Variants in DHRS4L2 observed in about 807,000 individuals in gnomAD.
DHRS4L2 encodes dehydrogenase/reductase SDR family member 4-like 2.
In DHRS4L2, 22 loss-of-function variants were observed where a neutral mutation model predicts 23.9. The observed-to-expected ratio is 0.92, with a 90% CI of 0.66 to 1.31. The LOEUF is 1.31. Ranked by LOEUF, DHRS4L2 falls within the 40% of genes most tolerant of loss-of-function variation. The probability of loss-of-function intolerance (pLI) is 0.00; values close to 1 mark genes in which losing one functional copy is unlikely to be tolerated. For missense variants in DHRS4L2, 385 were observed against 303.3 expected (o/e 1.27, Z -2.00); for synonymous variants, 141 against 123.7 (o/e 1.14, Z -0.93).
exon 1 of DHRS4L2, chr14:23,969,884 G>A (rs1288653953): frequency 2.7e-5 from 11 of 411,832 alleles, no homozygotes; most frequent in Non-Finnish European, 4.9e-5. Flanking sequence ...ATGCTCAGTC[G>A]GGCAGCTCTC....
At position 23,994,568 on chromosome 14, in the gene DHRS4L2, C is replaced by G. The variant is rs1281573810; in HGVS notation, c.307-464C>G. Among the ~76,000 whole-genome samples, 223 of 151,260 alleles carry G rather than the reference C, an allele frequency of 1.5e-3. 2 individuals carry two copies. Among genetic ancestry groups the G allele is most frequent in the African/African-American group, 3.7e-3 (152 of 41,118 alleles). On this transcript the variant is annotated intron_variant, in intron 2 of 7. Coordinates refer to ENST00000335125, the MANE Select transcript of DHRS4L2 (RefSeq NM_198083.4). ...CCGGGTGTGGTGGCACGCACTTCTA[C>G]TCTCAACTACTTGGGGGGCTGAGCC...
chr14:23,983,881 G>C (rs778111829), upstream of DHRS4L2, among the ~76,000 whole-genome samples: 1 of 151,442 alleles, frequency 6.6e-6, no homozygotes, highest in East Asian at 1.9e-4. Context: ...GGGCCTGTTG[G>C]GTTTATAGGG....
At chr14:23,980,564 T>C (rs991144982) in intron 1 of DHRS4L2, among the ~76,000 whole-genome samples, 1 of 147,092 alleles carries the variant, frequency 6.8e-6, no homozygotes, top group African/African-American at 2.5e-5. Flanking sequence ...AATAAAATAC[T>C]GGCAAACTGA....
At chr14:24,000,565 C>T (rs1160151350) in intron 3 of DHRS4L2, among the ~76,000 whole-genome samples, 3 of 151,886 alleles carry the variant, frequency 2.0e-5, no homozygotes, top group African/African-American at 4.8e-5. Context: ...AGAGAAAACA[C>T]AGCTCAAATC....
chr14:23,990,172 C>G lies in DHRS4L2; in HGVS notation c.129-10C>G, dbSNP rs755434788. On this transcript the variant is annotated splice_polypyrimidine_tract_variant and intron_variant, in intron 1 of 7. Coordinates refer to ENST00000335125, the MANE Select transcript of DHRS4L2 (RefSeq NM_198083.4). ...AGGCCTTAGCAGTCTTTGTCTCTTT[C>G]TGCTCACAGGATCGGCTTCGCCATC... The G allele has an allele frequency of 1.9e-6, 3 of 1,612,632 alleles. No homozygotes were observed. Among genetic ancestry groups the G allele is most frequent in the Non-Finnish European group, 2.5e-6 (3 of 1,179,292 alleles).
intron 2 of DHRS4L2, among the ~76,000 whole-genome samples, 170 bp from the exon 3 acceptor site, chr14:23,994,862 T>A (rs543963716): frequency 4.4e-4 from 67 of 151,824 alleles, no homozygotes; most frequent in African/African-American, 1.5e-3. Context: ...TGGCCCAGGC[T>A]TCTCTCAAAT....
rs145266187 is a variant in DHRS4L2, at chr14:23,989,023, C to T, written c.76C>T (p.Arg26Cys). The T allele has an allele frequency of 1.9e-5, 30 of 1,604,830 alleles. No homozygotes were observed. The highest frequency in any genetic ancestry group is 3.3e-4 in the Middle Eastern group (2 of 6,050). ...GCGGATGGCCAGCTCCAGGATGACC[C>T]GCCGGGACCCGCTCACAAATAAGGT... ...SVRMASSRMTRRDPLTNKVAL... is the reference protein window; with the variant it reads ...SVRMASSRMTCRDPLTNKVAL... The change falls in exon 1 of 8, where the codon CGC becomes TGC. Residue 26 changes from arginine (R) to cysteine (C), a missense_variant. By Grantham distance (180) the Arg-to-Cys change is radical. Transcript: ENST00000335125.
At chr14:23,978,001 A>G (rs1403681587) in intron 1 of DHRS4L2, among the ~76,000 whole-genome samples, 1 of 151,690 alleles carries the variant, frequency 6.6e-6, no homozygotes, top group Non-Finnish European at 1.5e-5. Flanking sequence ...TCTCCACTTC[A>G]GAATGCTGAC....
Position 24,001,384 on chromosome 14 carries a change from G to A in DHRS4L2, c.532G>A (p.Gly178Ser). The A allele has an allele frequency of 1.9e-6, 3 of 1,604,756 alleles. No individual in the cohort carries two copies. The highest frequency in any genetic ancestry group is 2.8e-5 in the African/African-American group (2 of 70,450). ...SSIAAFSPSP[G>S]FSPYNVSKTA... ...CTAACACATTCTCTTCTTTCTCCAG[G>A]GCTTCAGTCCTTACAATGTCAGTAA... is the stretch of plus-strand genomic sequence containing the variant. Residue 178 changes from glycine (G) to serine (S), a missense_variant and splice_region_variant, in exon 6 of 8, where the codon GGC becomes AGC. Gly to Ser is a moderately conservative substitution (Grantham distance 56). Coordinates refer to ENST00000335125, the MANE Select transcript of DHRS4L2 (RefSeq NM_198083.4).
chr14:24,000,019 C>G (rs1303582563), intron 3 of DHRS4L2, among the ~76,000 whole-genome samples: 2 of 138,354 alleles, frequency 1.4e-5, no homozygotes, highest in East Asian at 4.0e-4. Context: ...TTTTAATTTA[C>G]ATTTTTTTAT....
In DHRS4L2 at chr14:23,991,917, G is replaced by T. The variant is rs185698578; in HGVS notation, c.306+1558G>T. ...CGTCCAGCTAATTTTTGTATTTTTA[G>T]TAGAGACGGGGTTTCACCATGTTGG... On this transcript the variant is annotated intron_variant, in intron 2 of 7. Transcript: ENST00000335125. Among the ~76,000 whole-genome samples, 814 of 151,394 alleles carry T rather than the reference G, an allele frequency of 5.4e-3. 24 individuals are homozygous for T. Among genetic ancestry groups the T allele is most frequent in the African/African-American group, 0.019 (777 of 41,320 alleles).
At chr14:23,977,323 C>T (rs1317606729) in intron 1 of DHRS4L2, among the ~76,000 whole-genome samples, 3 of 151,714 alleles carry the variant, frequency 2.0e-5, no homozygotes, top group African/African-American at 4.8e-5. Context: ...CAAGGGCTGG[C>T]AGTGCTGAGC....
chr14:23,988,778 G>A, upstream of DHRS4L2: 2 of 1,404,060 alleles, frequency 1.4e-6, no homozygotes, highest in Non-Finnish European at 1.9e-6. Flanking sequence ...TGGCTGCGGG[G>A]CGGGGCGACT....
rs147430586 is a variant in DHRS4L2, at chr14:24,003,980, T to A, written c.666-357T>A. 5.4e-5 allele frequency among the ~76,000 whole-genome samples: 5 copies of A among 92,584 alleles called. 2 individuals are homozygous for A. Among genetic ancestry groups the A allele is most frequent in the Admixed American group, 1.9e-4 (2 of 10,432 alleles). 60.7% of individuals were successfully genotyped at this position (92,584 alleles called of 152,430 possible). A position where few individuals can be genotyped will look rare whatever the true frequency, so the allele number is the denominator to read the frequency against. Reference sequence around the variant, plus strand: ...CCTAATTGATTCCTCTTCTTAAACATAAAGAGATTTCTGGGTGGGGTGGCT... The same window carrying A: ...CCTAATTGATTCCTCTTCTTAAACAAAAAGAGATTTCTGGGTGGGGTGGCT... On this transcript the variant is annotated intron_variant, in intron 6 of 7. Coordinates refer to ENST00000335125, the MANE Select transcript of DHRS4L2 (RefSeq NM_198083.4).
At chr14:23,988,740 G>A (rs1395663385), upstream of DHRS4L2, 2 of 1,365,502 alleles carry the variant, frequency 1.5e-6, no homozygotes, top group Non-Finnish European at 1.9e-6. Flanking sequence ...AGCCCGGGAA[G>A]GCAAGCCCCA....
rs775321580 is a variant in DHRS4L2 at position 23,989,045 on chromosome 14, A to T, written c.98A>T (p.Lys33Met). The T allele has an allele frequency of 3.1e-5, 50 of 1,595,644 alleles. 1 individual carries two copies. The African/African-American group carries it at 6.0e-4, about 19-fold the overall frequency. Residue 33 changes from lysine to methionine, a missense_variant, in exon 1 of 8, where the codon AAG (lysine) becomes ATG (methionine). Lys to Met is a moderately conservative substitution (Grantham distance 95, BLOSUM62 -1). Coordinates refer to ENST00000335125, the MANE Select transcript of DHRS4L2 (RefSeq NM_198083.4). ...RMTRRDPLTN[K>M]VALVTASTDG... The stretch of plus-strand genomic sequence containing the variant: ...ACCCGCCGGGACCCGCTCACAAATA[A>T]GGTGGCCCTGGTAACGGCCTCCACC...
Position 24,006,093 on chromosome 14 carries a change from T to C in DHRS4L2, c.*230T>C. 6.7e-7 allele frequency: 1 copy of C among 1,490,542 alleles called. No individual in the cohort carries two copies. The highest frequency in any genetic ancestry group is 9.0e-7 in the Non-Finnish European group (1 of 1,113,804). The allele number at this position is 1,490,542 out of a possible 1,614,324, so 92.3% of individuals were successfully genotyped here. Reference sequence around the variant, plus strand: ...CTGGCCTTTCCCACCTCTGCTCACCTTACTGTTCACCTCATCAAATCAGTT... The same window carrying C: ...CTGGCCTTTCCCACCTCTGCTCACCCTACTGTTCACCTCATCAAATCAGTT... On this transcript the variant is annotated 3_prime_UTR_variant, in exon 8 of 8. Coordinates refer to ENST00000335125, the MANE Select transcript of DHRS4L2 (RefSeq NM_198083.4).
chr14:23,975,348 A>G (rs1351121242), intron 1 of DHRS4L2, among the ~76,000 whole-genome samples: 1 of 151,780 alleles, frequency 6.6e-6, no homozygotes, highest in Non-Finnish European at 1.5e-5. Context: ...AAAGAGAATA[A>G]AATACCTAGA....
upstream of DHRS4L2, among the ~76,000 whole-genome samples, chr14:23,985,080 G>C (rs2008620): frequency 0.19 from 28,912 of 151,248 alleles, 3,310 homozygotes; most frequent in South Asian, 0.25. Flanking sequence ...AGAGGTTCCA[G>C]TAGATAACCT....
Sources: allele counts gnomAD v4.1 joint callset (sites outside exome capture counted in the v4.1 genomes callset), GRCh38; gene constraint gnomAD v4.1.1; transcripts MANE v1.5; gene names NCBI Gene and HGNC (gene_info 2026-07-23, HGNC 2026-07-21).